RP2: variants seen among roughly 807,000 people sequenced by gnomAD.
The protein encoded by RP2 is RP2 activator of ARL3 GTPase.
A neutral mutation model predicts 20.3 loss-of-function variants in RP2; 3 were observed. The ratio of observed to expected loss-of-function variants is 0.15; its 90% CI spans 0.07 to 0.38. The LOEUF is 0.38. RP2 is among the 10% of genes least tolerant of loss of function. The pLI is 1.00. For missense variants in RP2, 233 were observed against 268.5 expected, an observed-to-expected ratio of 0.87 and a Z score of 0.92; for synonymous variants, 75 against 94.8, an observed-to-expected ratio of 0.79 and a Z score of 1.22.
At chrX:46,848,597 T>C (rs1279226882) in intron 1 of RP2, among the ~76,000 whole-genome samples, 1 of 107,197 alleles carries the variant, frequency 9.3e-6, no homozygotes, top group Non-Finnish European at 1.9e-5. Flanking sequence ...TTGGCCAGGC[T>C]GGTCTGGAAC....
intron 3 of RP2, among the ~76,000 whole-genome samples, chrX:46,863,945 G>T (rs1357461889): frequency 8.9e-6 from 1 of 111,940 alleles, no homozygotes; most frequent in African/African-American, 3.2e-5. Flanking sequence ...CTTAATAAGA[G>T]AATTCATTGT....
intron 3 of RP2, among the ~76,000 whole-genome samples, chrX:46,865,397 G>A (rs1556322105): frequency 1.8e-5 from 2 of 111,811 alleles, no homozygotes; most frequent in African/African-American, 6.5e-5. Flanking sequence ...GTTAGACTAG[G>A]GTTATGGGTT....
intron 3 of RP2, among the ~76,000 whole-genome samples, chrX:46,873,892 C>T (rs782347562): frequency 2.8e-5 from 3 of 107,805 alleles, no homozygotes; most frequent in African/African-American, 1.0e-4. Context: ...GTTTTCCCCA[C>T]CCCCACCTGA....
At chrX:46,839,145 A>G (rs1924569021) in intron 1 of RP2, among the ~76,000 whole-genome samples, 1 of 112,413 alleles carries the variant, frequency 8.9e-6, no homozygotes, top group Admixed American at 9.5e-5. Flanking sequence ...TGCAGATACC[A>G]CATTTCCCAA....
intron 3 of RP2, among the ~76,000 whole-genome samples, chrX:46,875,736 C>CT (rs1925365109): frequency 9.0e-6 from 1 of 111,652 alleles, no homozygotes; most frequent in Admixed American, 9.6e-5. Context: ...AGCTTCATTA[C>CT]TTTTTGGCTG....
rs374743004 is a variant in RP2 at position 46,853,658 on chromosome X, C to T, written c.285C>T (p.Pro95=). 20 of 1,209,902 alleles carry T rather than the reference C, an allele frequency of 1.7e-5. No homozygotes were observed. The highest frequency in any genetic ancestry group is 5.3e-5 in the African/African-American group (3 of 57,132). The change falls in exon 2 of 5, where the codon CCC becomes CCT. Residue 95 remains proline, a synonymous_variant. Transcript: ENST00000218340. Reference sequence around the variant, plus strand: ...CTAACTGCATAATTTTTCTGGGACCCGTGAAAGGCAGCGTGTTTTTCCGGA... The same window carrying T: ...CTAACTGCATAATTTTTCTGGGACCTGTGAAAGGCAGCGTGTTTTTCCGGA... ...DCTNCIIFLG[P]VKGSVFFRNC...
intron 1 of RP2, among the ~76,000 whole-genome samples, chrX:46,849,609 C>G (rs1389830174): frequency 2.7e-5 from 3 of 111,617 alleles, no homozygotes; most frequent in Non-Finnish European, 5.6e-5. Context: ...CAACATAAAT[C>G]TTAAATTTCT....
At position 46,869,255 on chromosome X, in the gene RP2, A is replaced by G. The variant is rs782256912; in HGVS notation, c.884-8250A>G. 4.5e-5 allele frequency among the ~76,000 whole-genome samples: 5 copies of G among 111,511 alleles called. No individual in the cohort carries two copies. The South Asian group carries it at 1.9e-3, about 41-fold the overall frequency. Reference sequence around the variant, plus strand: ...AGTGAGACCCCCATCTCTTAAAAAAATTAAATTAAAAATTTTAAAAGGAAT... The same window carrying G: ...AGTGAGACCCCCATCTCTTAAAAAAGTTAAATTAAAAATTTTAAAAGGAAT... On this transcript the variant is annotated intron_variant, in intron 3 of 4. Coordinates refer to ENST00000218340, the MANE Select transcript of RP2 (RefSeq NM_006915.3).
In RP2 at chrX:46,881,753, G is replaced by A. The variant is rs947140201; in HGVS notation, c.*1984G>A. The A allele has an allele frequency of 1.5e-4, 17 of 111,261 alleles. No homozygotes were observed. The highest frequency in any genetic ancestry group is 5.2e-4 in the African/African-American group (16 of 30,599). 9.2% of individuals were successfully genotyped at this position (111,261 alleles called of 1,213,427 possible). On this transcript the variant is annotated 3_prime_UTR_variant, in exon 5 of 5. Transcript: ENST00000218340. Reference sequence around the variant, plus strand: ...GCCTCCCAAAGAGCTGGGATTACAGGTGTGAGCTACCGCGCCTGGCCATGA... The same window carrying A: ...GCCTCCCAAAGAGCTGGGATTACAGATGTGAGCTACCGCGCCTGGCCATGA...
At chrX:46,864,775 G>A (rs1925140769) in intron 3 of RP2, among the ~76,000 whole-genome samples, 1 of 111,574 alleles carries the variant, frequency 9.0e-6, no homozygotes, top group Non-Finnish European at 1.9e-5. Flanking sequence ...ATGTACCCTT[G>A]GAATGTTCCT....
chrX:46,843,440 G>A (rs1924661537), intron 1 of RP2, among the ~76,000 whole-genome samples: 4 of 112,076 alleles, frequency 3.6e-5, no homozygotes, highest in African/African-American at 1.3e-4. Context: ...CATAGAGAGT[G>A]AAAAGTATAT....
At chrX:46,869,962 T>G (rs868911447) in intron 3 of RP2, among the ~76,000 whole-genome samples, 25 of 112,128 alleles carry the variant, frequency 2.2e-4, no homozygotes, top group African/African-American at 8.1e-4. Flanking sequence ...TAGCATATAC[T>G]GTTGATTCGT....
At chrX:46,876,097 G>C (rs1328757508) in intron 3 of RP2, among the ~76,000 whole-genome samples, 1 of 108,902 alleles carries the variant, frequency 9.2e-6, no homozygotes, top group Non-Finnish European at 1.9e-5. Context: ...TTTGAGACCA[G>C]ACTGAGCAAC....
intron 1 of RP2, among the ~76,000 whole-genome samples, chrX:46,846,158 T>C (rs781991930): frequency 2.7e-5 from 3 of 112,308 alleles, no homozygotes; most frequent in South Asian, 7.3e-4. Context: ...ATTTGGGTTG[T>C]TTCCAATTTT....
At chrX:46,862,775 G>A (rs1043962446) in intron 3 of RP2, among the ~76,000 whole-genome samples, 1 of 112,419 alleles carries the variant, frequency 8.9e-6, no homozygotes, top group Non-Finnish European at 1.9e-5. Context: ...TTAACCCAGT[G>A]ATCAAACAGC....
intron 3 of RP2, among the ~76,000 whole-genome samples, chrX:46,871,021 CTTTTTTTTTTTTT>C (rs58549261): frequency 1.3e-5 from 1 of 77,377 alleles, no homozygotes; most frequent in African/African-American, 5.9e-5. Flanking sequence ...ACGCTCATTC[CTTTTTTTTTTTTT>C]TTTTTTTTTT....
chrX:46,856,397 A>G (rs1418184444), intron 2 of RP2, among the ~76,000 whole-genome samples: 3 of 111,837 alleles, frequency 2.7e-5, no homozygotes, highest in Non-Finnish European at 5.6e-5. Flanking sequence ...GGAATACAAT[A>G]TAAACAATCC....
chrX:46,877,608 C>T lies in RP2; in HGVS notation c.969+18C>T, dbSNP rs369210778. 18 of 1,029,064 alleles carry T rather than the reference C, an allele frequency of 1.7e-5. No individual in the cohort carries two copies. The highest frequency in any genetic ancestry group is 2.3e-5 in the Non-Finnish European group (17 of 730,955). 84.8% of individuals were successfully genotyped at this position (1,029,064 alleles called of 1,213,427 possible). On this transcript the variant is annotated intron_variant, in intron 4 of 4. Transcript: ENST00000218340. The stretch of plus-strand genomic sequence containing the variant: ...GGACCAAGGTACAAGATTTTATTGA[C>T]TGTATTTCAATCTAACTTTTCATTT...
At chrX:46,863,402 C>A (rs1048468924) in intron 3 of RP2, among the ~76,000 whole-genome samples, 17 of 112,251 alleles carry the variant, frequency 1.5e-4, no homozygotes, top group Non-Finnish European at 3.0e-4. Context: ...TCTTTCAATT[C>A]TTCTATAATG....
Sources: allele counts gnomAD v4.1 joint callset (sites outside exome capture counted in the v4.1 genomes callset), GRCh38; gene constraint gnomAD v4.1.1; transcripts MANE v1.5; gene names NCBI Gene and HGNC (gene_info 2026-07-23, HGNC 2026-07-21).